Variants in KLHL20 observed in about 807,000 individuals in gnomAD.
KLHL20 encodes kelch like family member 20, also known as kelch-like protein 20.
Under a neutral mutation model 69.5 loss-of-function variants are expected in KLHL20, and 29 were observed. The observed-to-expected ratio is 0.42, with a 90% confidence interval of 0.31 to 0.57. The LOEUF (loss-of-function observed/expected upper bound fraction) is 0.57, where lower values mean the gene tolerates loss of function less well. KLHL20 is among the 20% of genes least tolerant of loss of function. The pLI, the probability that KLHL20 is intolerant of heterozygous loss-of-function variation, is 0.18. For missense variants in KLHL20, 419 were observed against 776.0 expected (o/e 0.54, Z 5.47); for synonymous variants, 253 against 265.2 (o/e 0.95, Z 0.45).
At chr1:173,724,652 T>A (rs1409356292) in intron 2 of KLHL20, among the ~76,000 whole-genome samples, 1 of 152,128 alleles carries the variant, frequency 6.6e-6, no homozygotes, top group Non-Finnish European at 1.5e-5. Flanking sequence ...AAGATACAAA[T>A]TTTCAAGCCA....
intron 3 of KLHL20, among the ~76,000 whole-genome samples, chr1:173,739,263 G>A (rs12093624): frequency 0.076 from 11,610 of 151,778 alleles, 1,460 homozygotes; most frequent in African/African-American, 0.26. Flanking sequence ...AGTGGAGATG[G>A]GGCTTCACCG....
chr1:173,781,358 A>G (rs955388709), intron 10 of KLHL20, among the ~76,000 whole-genome samples: 1 of 152,012 alleles, frequency 6.6e-6, no homozygotes, highest in Non-Finnish European at 1.5e-5. Context: ...TCTGCTGCCC[A>G]GGCTGGAGTG....
chr1:173,749,830 A>G (rs1034005548), intron 3 of KLHL20, among the ~76,000 whole-genome samples: 1 of 152,216 alleles, frequency 6.6e-6, no homozygotes, highest in Non-Finnish European at 1.5e-5. Flanking sequence ...AAGAAATCAC[A>G]GAGAAAAATA....
chr1:173,782,474 A>C (rs755432058), intron 11 of KLHL20, among the ~76,000 whole-genome samples: 3 of 152,050 alleles, frequency 2.0e-5, no homozygotes, highest in Non-Finnish European at 2.9e-5. Context: ...AGGGAAAAAA[A>C]ATCTTCCTAG....
At position 173,756,019 on chromosome 1, in the gene KLHL20, T is replaced by A; in HGVS notation, c.948T>A (p.Cys316Ter). The change falls in exon 6 of 12, where the codon TGT (cysteine) becomes TGA (stop). Residue 316 changes from cysteine (C) to a stop codon, truncating the protein, a stop_gained. Coordinates refer to ENST00000209884, the MANE Select transcript of KLHL20 (RefSeq NM_014458.4). LOFTEE classifies it high-confidence loss of function. ...CGAGACCACGGAAACCTATCCGATG[T>A]GGGGAAGTACTCTTTGCAGGTTTGG... Reference protein sequence around the residue: ...PRTRPRKPIRCGEVLFAVGGW... With the variant: ...PRTRPRKPIR 1 of 1,613,450 alleles carries A rather than the reference T, an allele frequency of 6.2e-7. No individual in the cohort carries two copies. Among genetic ancestry groups the A allele is most frequent in the Non-Finnish European group, 8.5e-7 (1 of 1,179,450 alleles).
At chr1:173,753,063 C>T in intron 4 of KLHL20, 150 bp from the exon 5 acceptor site, 2 of 591,616 alleles carry the variant, frequency 3.4e-6, no homozygotes, top group Non-Finnish European at 5.9e-6. Flanking sequence ...GTTGCAGCTA[C>T]TCTGGAGGCT....
At chr1:173,725,562 A>G (rs892163453) in intron 2 of KLHL20, among the ~76,000 whole-genome samples, 1 of 152,226 alleles carries the variant, frequency 6.6e-6, no homozygotes, top group African/African-American at 2.4e-5. Context: ...AGCAATTTAC[A>G]GATACCCCAC....
intron 2 of KLHL20, among the ~76,000 whole-genome samples, chr1:173,724,216 A>T (rs1671848283): frequency 6.8e-6 from 1 of 147,076 alleles, no homozygotes; most frequent in African/African-American, 2.5e-5. Context: ...TATGTTGCCT[A>T]GGCATGGCAA....
chr1:173,729,357 TC>T (rs1672139266), intron 2 of KLHL20, among the ~76,000 whole-genome samples: 1 of 152,190 alleles, frequency 6.6e-6, no homozygotes, highest in Non-Finnish European at 1.5e-5. Flanking sequence ...GAAGGAATCC[TC>T]CCTAACTCAT....
chr1:173,772,720 T>A (rs1476426992), intron 8 of KLHL20, among the ~76,000 whole-genome samples: 1 of 152,206 alleles, frequency 6.6e-6, no homozygotes, highest in Non-Finnish European at 1.5e-5. Context: ...TAGACATTGA[T>A]AAACAGCTGC....
At chr1:173,715,980 T>A in intron 1 of KLHL20, 23 bp from the exon 2 acceptor site, 1 of 1,506,272 alleles carries the variant, frequency 6.6e-7, no homozygotes, top group Middle Eastern at 1.7e-4. Context: ...TTTTATTAAG[T>A]TCCTGCTTTT....
At chr1:173,722,618 A>T (rs1341092687) in intron 2 of KLHL20, among the ~76,000 whole-genome samples, 2 of 151,862 alleles carry the variant, frequency 1.3e-5, no homozygotes, top group African/African-American at 4.8e-5. Flanking sequence ...CCTTATTTCT[A>T]AAAAAAAGAA....
intron 7 of KLHL20, among the ~76,000 whole-genome samples, chr1:173,761,081 G>T (rs1025613511): frequency 1.3e-5 from 2 of 152,168 alleles, no homozygotes; most frequent in Non-Finnish European, 2.9e-5. Flanking sequence ...AGCAGGGGTA[G>T]CTCTTCTTAT....
At chr1:173,740,373 G>C (rs1672747847) in intron 3 of KLHL20, among the ~76,000 whole-genome samples, 1 of 151,760 alleles carries the variant, frequency 6.6e-6, no homozygotes, top group Admixed American at 6.6e-5. Flanking sequence ...GCCTCCCAAA[G>C]TGCTGGGATT....
chr1:173,766,027 A>C (rs1647680464), intron 7 of KLHL20, 119 bp from the exon 8 acceptor site: 2 of 730,190 alleles, frequency 2.7e-6, no homozygotes, highest in Non-Finnish European at 2.0e-6. Context: ...GTTATTATTA[A>C]TCAGCCCATA....
intron 8 of KLHL20, among the ~76,000 whole-genome samples, chr1:173,773,415 T>TTTAAATAAATAAATATTAA (rs1470048385): frequency 6.7e-6 from 1 of 149,960 alleles, no homozygotes; most frequent in South Asian, 2.1e-4. Flanking sequence ...GACCCCTATT[T>TTTAAATAAATAAATATTAA]TTAAATAAAT....
At chr1:173,720,413 T>C (rs1671664438) in intron 2 of KLHL20, among the ~76,000 whole-genome samples, 1 of 150,878 alleles carries the variant, frequency 6.6e-6, no homozygotes, top group Non-Finnish European at 1.5e-5. Flanking sequence ...GAGTATAGGG[T>C]ATTTTGAGGA....
intron 9 of KLHL20, among the ~76,000 whole-genome samples, chr1:173,774,861 A>G (rs1332502127): frequency 6.6e-6 from 1 of 152,124 alleles, no homozygotes; most frequent in Non-Finnish European, 1.5e-5. Flanking sequence ...CCCAGGCTGG[A>G]GTCCAGTGCC....
At chr1:173,785,030 G>A (rs1333729053) in intron 11 of KLHL20, 133 bp from the exon 12 acceptor site, 1 of 644,516 alleles carries the variant, frequency 1.6e-6, no homozygotes, top group Non-Finnish European at 2.6e-6. Context: ...GACAATATTA[G>A]TGTGAAGCTG....
Sources: allele counts gnomAD v4.1 joint callset (sites outside exome capture counted in the v4.1 genomes callset), GRCh38; gene constraint gnomAD v4.1.1; transcripts MANE v1.5; gene names NCBI Gene and HGNC (gene_info 2026-07-23, HGNC 2026-07-21).